Variants in DAB2IP observed in about 807,000 individuals in gnomAD.
The protein encoded by DAB2IP is DAB2 interacting protein, also known as disabled homolog 2-interacting protein.
In DAB2IP, 28 loss-of-function variants were observed where a neutral mutation model predicts 107.2. That is an observed-to-expected ratio of 0.26 (90% CI 0.19 to 0.36). The LOEUF (loss-of-function observed/expected upper bound fraction) is 0.36. Ranked by LOEUF, DAB2IP falls within the 10% of genes least tolerant of loss-of-function variation. The probability of loss-of-function intolerance (pLI) is 1.00; values close to 1 mark genes in which losing one functional copy is unlikely to be tolerated. For synonymous variants in DAB2IP, 755 were observed against 706.4 expected (o/e 1.07, Z -1.09); for missense variants, 1,400 against 1,644.7 (o/e 0.85, Z 2.57).
At chr9:121,739,769 G>GGATGC (rs1832197356) in intron 3 of DAB2IP, among the ~76,000 whole-genome samples, 1 of 152,200 alleles carries the variant, frequency 6.6e-6, no homozygotes, top group Admixed American at 6.5e-5. Flanking sequence ...ATAGGGCTGG[G>GGATGC]GATGCACTTA....
At chr9:121,737,489 C>A (rs1832012427) in intron 3 of DAB2IP, 1 of 985,448 alleles carries the variant, frequency 1.0e-6, no homozygotes, top group African/African-American at 1.7e-5. Context: ...GCCGAGAGGC[C>A]CCCTAATCTG....
At position 121,599,993 on chromosome 9, in the gene DAB2IP, G is replaced by A. The variant is rs12380078; in HGVS notation, c.40+32765G>A. Reference sequence around the variant, plus strand: ...ATTGAGCCTTTAAACTTTCCTGTGCGCCCTGCCCAGATCTCGACCGCCGGG... The same window carrying A: ...ATTGAGCCTTTAAACTTTCCTGTGCACCCTGCCCAGATCTCGACCGCCGGG... On this transcript the variant is annotated intron_variant, in intron 1 of 16. Transcript: ENST00000259371. The surrounding 1 kb of genome is among the most constrained non-coding windows in gnomAD (Gnocchi z 6.9). Among the ~76,000 whole-genome samples, 38,363 of 151,928 alleles carry A rather than the reference G, an allele frequency of 0.25. 5,442 individuals carry two copies. Among genetic ancestry groups the A allele is most frequent in the South Asian group, 0.38 (1,803 of 4,800 alleles).
At chr9:121,707,963 C>T (rs1025081782) in intron 3 of DAB2IP, among the ~76,000 whole-genome samples, 1 of 152,184 alleles carries the variant, frequency 6.6e-6, no homozygotes, top group Non-Finnish European at 1.5e-5. Flanking sequence ...AATCCCTACT[C>T]TTGTACTAGA....
At chr9:121,657,843 G>C (rs1321515519) in intron 1 of DAB2IP, among the ~76,000 whole-genome samples, 5 of 152,304 alleles carry the variant, frequency 3.3e-5, no homozygotes, top group Middle Eastern at 6.8e-3. Context: ...TGCTGAATGG[G>C]GAGGTTGGAG....
rs1254285518 is a variant in DAB2IP at position 121,684,782 on chromosome 9, G to A, written c.228+6001G>A. Among the ~76,000 whole-genome samples, 2 of 152,218 alleles carry A rather than the reference G, an allele frequency of 1.3e-5. No homozygotes were observed. The highest frequency in any genetic ancestry group is 2.9e-5 in the Non-Finnish European group (2 of 68,034). Reference sequence around the variant, plus strand: ...CTCACAGATCAGACAAGCCAGATCTGTCCCAGGGTATATGGGGAAACTGAG... The same window carrying A: ...CTCACAGATCAGACAAGCCAGATCTATCCCAGGGTATATGGGGAAACTGAG... On this transcript the variant is annotated intron_variant, in intron 2 of 15. Transcript: ENST00000408936. This position sits in a 1 kb window ranked among gnomAD's most constrained non-coding sequence, Gnocchi z 4.0.
chr9:121,628,333 C>T (rs149391267), intron 1 of DAB2IP, among the ~76,000 whole-genome samples: 3,032 of 152,306 alleles, frequency 0.02, 41 homozygotes, highest in Non-Finnish European at 0.029. Flanking sequence ...GCAGATGCCC[C>T]CCTGCCCAGG....
intron 1 of DAB2IP, among the ~76,000 whole-genome samples, chr9:121,612,062 A>G (rs928800745): frequency 6.6e-6 from 1 of 152,040 alleles, no homozygotes; most frequent in Non-Finnish European, 1.5e-5. Flanking sequence ...TCCAGAACTT[A>G]CTGCCTTTGG....
intron 11 of DAB2IP, 43 bp downstream of exon 11, chr9:121,770,767 A>G (rs1197635471): frequency 1.9e-6 from 3 of 1,602,920 alleles, no homozygotes; most frequent in South Asian, 1.1e-5. Context: ...GTGCGTGTGC[A>G]GACTAGGCAC....
chr9:121,573,350 T>C (rs963592370), intron 1 of DAB2IP, among the ~76,000 whole-genome samples: 1 of 152,042 alleles, frequency 6.6e-6, no homozygotes. Flanking sequence ...CTGCTAGGAT[T>C]ACAGGCGTGA....
At chr9:121,572,569 A>G (rs1407699513) in intron 1 of DAB2IP, among the ~76,000 whole-genome samples, 1 of 152,104 alleles carries the variant, frequency 6.6e-6, no homozygotes, top group Admixed American at 6.6e-5. Flanking sequence ...ATGCCCCAAG[A>G]GAGCAGGCCT....
intron 14 of DAB2IP, 140 bp from the exon 15 acceptor site, chr9:121,781,324 A>G (rs1835625997): frequency 2.7e-6 from 2 of 750,738 alleles, no homozygotes; most frequent in East Asian, 2.7e-5. Context: ...CCAGGCAAGT[A>G]TGGGAGGCAA....
Position 121,662,132 on chromosome 9 carries a change from TTTTC to T in DAB2IP, c.124+10237_124+10240del, listed in dbSNP as rs1379331663. Among the ~76,000 whole-genome samples the T allele has an allele frequency of 6.6e-6, 1 of 152,234 alleles. No individual in the cohort carries two copies. The highest frequency in any genetic ancestry group is 1.5e-5 in the Non-Finnish European group (1 of 68,044). ...GGGTTATTTCCAGCCCTTCCCCTTC[TTTTC>T]TTTAAGTTTTTGAAAATTCTAAAAT... is the stretch of plus-strand genomic sequence containing the variant. On this transcript the variant is annotated intron_variant, in intron 1 of 15. Coordinates refer to ENST00000408936, the Ensembl canonical transcript of DAB2IP. The surrounding 1 kb of genome is among the most constrained non-coding windows in gnomAD (Gnocchi z 4.6).
At chr9:121,764,460 C>T (rs868444260) in intron 8 of DAB2IP, among the ~76,000 whole-genome samples, 6 of 152,242 alleles carry the variant, frequency 3.9e-5, no homozygotes, top group East Asian at 1.9e-4. Context: ...GAATCAGTCC[C>T]GGAGAAACTT....
At chr9:121,758,952 G>A (rs769297007) in exon 5 of DAB2IP, 2 of 1,613,620 alleles carry the variant, frequency 1.2e-6, no homozygotes, top group African/African-American at 2.7e-5. Flanking sequence ...AGCTGAGCGG[G>A]ATAAGTGGAT....
In DAB2IP at chr9:121,716,384, A is replaced by G. The variant is rs1489619009; in HGVS notation, c.362+16926A>G. ...ATGCTTTGCTACTGCTATTGTCCGG[A>G]AACTGAGTTTCATCCCAAACTTAGG... On this transcript the variant is annotated intron_variant, in intron 3 of 15. Transcript: ENST00000408936. Among the ~76,000 whole-genome samples the G allele has an allele frequency of 3.3e-5, 5 of 152,206 alleles. No individual in the cohort carries two copies. In the East Asian group the frequency reaches 9.6e-4, roughly 29 times the overall value.
intron 4 of DAB2IP, among the ~76,000 whole-genome samples, 199 bp downstream of exon 4, chr9:121,757,365 T>A (rs907757069): frequency 6.6e-6 from 1 of 152,190 alleles, no homozygotes; most frequent in Admixed American, 6.5e-5. Flanking sequence ...TCCTTCCTAC[T>A]CTCTAGGTTC....
intron 9 of DAB2IP, among the ~76,000 whole-genome samples, chr9:121,767,673 G>T (rs2087546978): frequency 6.6e-6 from 1 of 152,226 alleles, no homozygotes; most frequent in African/African-American, 2.4e-5. Flanking sequence ...GCCTTCCTCT[G>T]TTCTGGATCC....
At chr9:121,683,795 C>T (rs2119149072) in intron 2 of DAB2IP, among the ~76,000 whole-genome samples, 1 of 152,268 alleles carries the variant, frequency 6.6e-6, no homozygotes, top group South Asian at 2.1e-4. Context: ...AGAAGGGACT[C>T]TTGGGGCTGG....
intron 1 of DAB2IP, among the ~76,000 whole-genome samples, chr9:121,589,176 G>A (rs1007473222): frequency 5.9e-5 from 9 of 152,094 alleles, no homozygotes; most frequent in Non-Finnish European, 1.2e-4. Context: ...TAGTAGACAT[G>A]GATCCACATG....
Sources: allele counts gnomAD v4.1 joint callset (sites outside exome capture counted in the v4.1 genomes callset), GRCh38; gene constraint gnomAD v4.1.1; non-coding constraint Gnocchi (gnomAD v3.1); transcripts MANE v1.5; gene names NCBI Gene and HGNC (gene_info 2026-07-23, HGNC 2026-07-21).